The following MPP4 variants were observed in gnomAD, a reference collection of about 807,000 sequenced individuals.
MPP4 encodes MAGUK p55 subfamily member 4.
In MPP4, 91 loss-of-function variants were observed where a neutral mutation model predicts 98.3. The observed-to-expected ratio is 0.93, with a 90% confidence interval of 0.78 to 1.10. The LOEUF is 1.10. MPP4 is among the 50% of genes least tolerant of loss of function. The pLI is 0.00. For missense variants in MPP4, 744 were observed against 792.9 expected (o/e 0.94, Z 0.74); for synonymous variants, 261 against 271.8 (o/e 0.96, Z 0.39).
chr2:201,648,731 A>T (rs932928316), intron 20 of MPP4, among the ~76,000 whole-genome samples: 4 of 152,070 alleles, frequency 2.6e-5, no homozygotes, highest in South Asian at 4.2e-4. Flanking sequence ...TTTTCCTCTG[A>T]TTCTCTAGCA....
chr2:201,661,543 G>A, intron 14 of MPP4: 1 of 456,480 alleles, frequency 2.2e-6, no homozygotes, highest in Non-Finnish European at 4.4e-6. Context: ...GCGTTTTACA[G>A]TAGGCACCTC....
rs145343671 is a variant in MPP4 at position 201,656,407 on chromosome 2, G to A, written c.1130-39C>T. 8,255 of 1,513,712 alleles carry A rather than the reference G, an allele frequency of 5.5e-3. 36 individuals are homozygous for A. The highest frequency in any genetic ancestry group is 9.4e-3 in the Middle Eastern group (46 of 4,890). The allele number at this position is 1,513,712 out of a possible 1,614,324, so 93.8% of individuals were successfully genotyped here. ...GTGCACAGAACGTAAGAACCAGGCA[G>A]GAGAGATCACTTGTAGCTTCACACC... On this transcript the variant is annotated intron_variant, in intron 16 of 21. Coordinates refer to ENST00000409474, the MANE Select transcript of MPP4 (RefSeq NM_033066.3).
rs191283506 is a variant in MPP4, at chr2:201,684,819, G to A, written c.574+245C>T. On this transcript the variant is annotated intron_variant, in intron 7 of 21. Coordinates refer to ENST00000409474, the MANE Select transcript of MPP4 (RefSeq NM_033066.3). ...CAAAAAATTAGCCGGGCGTGGTGGC[G>A]GGCGCCTGTAATCCCAGCTACTTGG... Among the ~76,000 whole-genome samples the A allele has an allele frequency of 1.1e-3, 173 of 151,648 alleles. 1 individual carries two copies. Among genetic ancestry groups the A allele is most frequent in the African/African-American group, 3.9e-3 (162 of 41,344 alleles).
intron 1 of MPP4, among the ~76,000 whole-genome samples, chr2:201,694,352 C>G (rs1431649060): frequency 6.6e-6 from 1 of 152,040 alleles, no homozygotes; most frequent in Non-Finnish European, 1.5e-5. Flanking sequence ...TGACTTTACC[C>G]ATCATTAGAG....
chr2:201,677,339 T>A (rs1273125612), intron 10 of MPP4, among the ~76,000 whole-genome samples: 11 of 152,212 alleles, frequency 7.2e-5, no homozygotes, highest in Non-Finnish European at 1.5e-4. Flanking sequence ...GCCAAAAATA[T>A]TTGCTACTCT....
chr2:201,650,278 A>G, intron 18 of MPP4, 113 bp from the exon 19 acceptor site: 1 of 1,439,528 alleles, frequency 6.9e-7, no homozygotes, highest in Non-Finnish European at 9.1e-7. Flanking sequence ...ATAATCAAGG[A>G]GATAAAATGC....
At chr2:201,657,097 C>A (rs1687867373) in intron 16 of MPP4, among the ~76,000 whole-genome samples, 1 of 152,020 alleles carries the variant, frequency 6.6e-6, no homozygotes, top group Non-Finnish European at 1.5e-5. Flanking sequence ...TTGGTGTAAA[C>A]CGTAGGGAGA....
intron 8 of MPP4, among the ~76,000 whole-genome samples, chr2:201,681,827 C>G (rs151063399): frequency 6.6e-6 from 1 of 151,156 alleles, no homozygotes. Context: ...GGGACCCCCC[C>G]CCACCCTACA....
At chr2:201,692,764 T>G in intron 3 of MPP4, 144 bp downstream of exon 3, 5 of 1,251,020 alleles carry the variant, frequency 4.0e-6, no homozygotes, top group Non-Finnish European at 5.4e-6. Flanking sequence ...TTGGACTTCC[T>G]GGCCTACAGA....
chr2:201,659,206 G>A (rs948874093), intron 15 of MPP4, among the ~76,000 whole-genome samples: 2 of 36,164 alleles, frequency 5.5e-5, no homozygotes, highest in African/African-American at 1.8e-4. Context: ...TGACCATACT[G>A]TGTTTATAAT....
chr2:201,651,909 C>T (rs1444414052), intron 18 of MPP4: 1 of 580,304 alleles, frequency 1.7e-6, no homozygotes, highest in Non-Finnish European at 2.2e-6. Context: ...GCCGAGATAA[C>T]ACCACGGCAC....
intron 11 of MPP4, among the ~76,000 whole-genome samples, chr2:201,673,949 G>A (rs970061833): frequency 1.3e-5 from 2 of 152,216 alleles, no homozygotes; most frequent in Non-Finnish European, 2.9e-5. Context: ...CATTTCAGAA[G>A]GGCCTCGCTC....
intron 11 of MPP4, among the ~76,000 whole-genome samples, chr2:201,671,398 A>G (rs1688340143): frequency 6.6e-6 from 1 of 152,166 alleles, no homozygotes; most frequent in Non-Finnish European, 1.5e-5. Flanking sequence ...TTCACACATA[A>G]CAATATTAAC....
At position 201,698,598 on chromosome 2, in the gene MPP4, T is replaced by C. The variant is rs893224134; in HGVS notation, c.-112A>G. On this transcript the variant is annotated 5_prime_UTR_variant, in exon 1 of 22. Coordinates refer to ENST00000409474, the MANE Select transcript of MPP4 (RefSeq NM_033066.3). ...CCAAGGTCTCTTACCTGCAAGACTG[T>C]AAACATGCATGTTGCTCCTATCCAG... The C allele has an allele frequency of 3.1e-6, 4 of 1,303,974 alleles. No homozygotes were observed. In the African/African-American group the frequency reaches 6.1e-5, roughly 20 times the overall value. The allele number at this position is 1,303,974 out of a possible 1,614,324, so 80.8% of individuals were successfully genotyped here. A position where few individuals can be genotyped will look rare whatever the true frequency, so the allele number is the denominator to read the frequency against.
intron 10 of MPP4, among the ~76,000 whole-genome samples, chr2:201,678,100 T>A (rs964138540): frequency 2.0e-5 from 3 of 152,194 alleles, no homozygotes; most frequent in Non-Finnish European, 4.4e-5. Flanking sequence ...CTTATTTTCA[T>A]ATTAGGTTTT....
At chr2:201,656,416 A>G (rs1207685732) in intron 16 of MPP4, 48 bp from the exon 17 acceptor site, 2 of 1,483,832 alleles carry the variant, frequency 1.3e-6, no homozygotes, top group Admixed American at 4.3e-5. Flanking sequence ...AGGAGAGATC[A>G]CTTGTAGCTT....
rs372126195 is a variant in MPP4 at position 201,697,897 on chromosome 2, CTGATGCCTGGCA to C, written c.-101+678_-101+689del. 2,665 of 984,924 alleles carry C rather than the reference CTGATGCCTGGCA, an allele frequency of 2.7e-3. 58 individuals carry two copies. The African/African-American group carries it at 0.043, about 16-fold the overall frequency. 61.0% of individuals were successfully genotyped at this position (984,924 alleles called of 1,614,324 possible). A position where few individuals can be genotyped will look rare whatever the true frequency, so the allele number is the denominator to read the frequency against. On this transcript the variant is annotated intron_variant, in intron 1 of 21. Transcript: ENST00000409474. ...TTTGTTTCCTTAGTCCTGAAAGATGCTGATGCCTGGCATGATGCCTGGCAAAAGACTTACCTT... is the reference window on the plus strand; with the variant it reads ...TTTGTTTCCTTAGTCCTGAAAGATGCTGATGCCTGGCAAAAGACTTACCTT...
intron 3 of MPP4, among the ~76,000 whole-genome samples, chr2:201,692,543 C>A (rs1390583337): frequency 2.2e-4 from 29 of 129,798 alleles, no homozygotes; most frequent in Middle Eastern, 3.9e-3. Context: ...GACTCTGTCT[C>A]AAAAAAAAAA....
At chr2:201,670,941 T>C (rs549041065) in intron 11 of MPP4, among the ~76,000 whole-genome samples, 1 of 152,218 alleles carries the variant, frequency 6.6e-6, no homozygotes, top group East Asian at 1.9e-4. Flanking sequence ...TTGCCTCACC[T>C]GGGAAGTGAA....
Sources: gnomAD v4.1 joint callset for allele counts (sites outside exome capture counted in the v4.1 genomes callset) on GRCh38, gnomAD v4.1.1 for gene constraint, MANE v1.5 for transcripts, NCBI Gene and HGNC (gene_info 2026-07-23, HGNC 2026-07-21) for gene names.